Variants in PNPLA6 observed in about 807,000 individuals in gnomAD.
PNPLA6 encodes the protein patatin like domain 6, lysophospholipase.
Under a neutral mutation model 153.7 loss-of-function variants are expected in PNPLA6, and 105 were observed. That is an observed-to-expected ratio of 0.68 (90% CI 0.58 to 0.80). The LOEUF is 0.80. Among genes scored for constraint, PNPLA6 ranks in the 30% least tolerant of loss-of-function variants. The probability of loss-of-function intolerance (pLI) is 0.00; values close to 1 mark genes in which losing one functional copy is unlikely to be tolerated. For synonymous variants in PNPLA6, 825 were observed against 822.2 expected, an observed-to-expected ratio of 1.00 and a Z score of -0.06; for missense variants, 1,423 against 1,919.3, an observed-to-expected ratio of 0.74 and a Z score of 4.83.
Position 7,555,486 on chromosome 19 carries a change from G to C in PNPLA6, c.2936+119G>C. 2 of 1,369,904 alleles carry C rather than the reference G, an allele frequency of 1.5e-6. No individual in the cohort carries two copies. Among genetic ancestry groups the C allele is most frequent in the Non-Finnish European group, 2.0e-6 (2 of 991,678 alleles). 84.9% of individuals were successfully genotyped at this position (1,369,904 alleles called of 1,614,324 possible). Reference sequence around the variant, plus strand: ...AGGGTGGAGCTTCCCCTCCGGGAGAGACCCCGTGGGTAGGGGCGGGTCCTT... The same window carrying C: ...AGGGTGGAGCTTCCCCTCCGGGAGACACCCCGTGGGTAGGGGCGGGTCCTT... On this transcript the variant is annotated intron_variant, in intron 23 of 31. Transcript: ENST00000600737. This position sits in a 1 kb window ranked among gnomAD's most constrained non-coding sequence, Gnocchi z 6.3.
chr19:7,540,441 T>C lies in PNPLA6; in HGVS notation c.714+133T>C, dbSNP rs1308184120. The C allele has an allele frequency of 1.8e-6, 2 of 1,105,358 alleles. No homozygotes were observed. Among genetic ancestry groups the C allele is most frequent in the Non-Finnish European group, 2.6e-6 (2 of 763,618 alleles). 68.5% of individuals were successfully genotyped at this position (1,105,358 alleles called of 1,614,324 possible). A position where few individuals can be genotyped will look rare whatever the true frequency, so the allele number is the denominator to read the frequency against. On this transcript the variant is annotated intron_variant, in intron 5 of 31. Transcript: ENST00000600737. This position sits in a 1 kb window ranked among gnomAD's most constrained non-coding sequence, Gnocchi z 6.8. ...AGGGGAACGGGTGACCGAGGACATT[T>C]GGGGTAGTCTGCGTAGTTGCTCAGT...
chr19:7,547,526 G>A (rs2023433989), intron 13 of PNPLA6, among the ~76,000 whole-genome samples: 1 of 152,100 alleles, frequency 6.6e-6, no homozygotes, highest in Non-Finnish European at 1.5e-5. Flanking sequence ...AGAGACGGGG[G>A]TCTCACTATG....
rs1196628114 is a variant in PNPLA6 at position 7,542,713 on chromosome 19, A to T, written c.1362+43A>T. The T allele has an allele frequency of 1.9e-6, 3 of 1,612,698 alleles. No homozygotes were observed. The East Asian group carries it at 6.7e-5, about 36-fold the overall frequency. On this transcript the variant is annotated intron_variant, in intron 11 of 31. Coordinates refer to ENST00000600737, the MANE Select transcript of PNPLA6 (RefSeq NM_001166114.2). ...GCCCGGTGGTGGAGCCCGCAGGGGA[A>T]GGTGGCTGGGAGGGAGCATCAGGAG...
At chr19:7,558,246 C>A (rs1217407653) in intron 27 of PNPLA6, among the ~76,000 whole-genome samples, 3 of 152,198 alleles carry the variant, frequency 2.0e-5, no homozygotes, top group Non-Finnish European at 4.4e-5. Context: ...GACATGTACG[C>A]CAACTGCACA....
At chr19:7,535,091 G>C, upstream of PNPLA6, 1 of 213,580 alleles carries the variant, frequency 4.7e-6, no homozygotes, top group East Asian at 1.1e-4. This position sits in a 1 kb window ranked among gnomAD's most constrained non-coding sequence, Gnocchi z 5.0. Context: ...GGTGCGGCCT[G>C]GGGGGTGGGG....
chr19:7,543,067 G>A lies in PNPLA6; in HGVS notation c.1591G>A (p.Ala531Thr). The change falls in exon 13 of 32, where the codon GCC (alanine) becomes ACC (threonine). Residue 531 changes from alanine (A) to threonine (T), a missense_variant. Transcript: ENST00000600737. ...LHHAKAGTII[A>T]RQGDQDVSLH... ...CCACGCCAAAGCTGGCACCATCATTGCCCGCCAGGGAGACCAGGTGAGGCT... is the reference window on the plus strand; with the variant it reads ...CCACGCCAAAGCTGGCACCATCATTACCCGCCAGGGAGACCAGGTGAGGCT... 3 of 1,613,872 alleles carry A rather than the reference G, an allele frequency of 1.9e-6. No homozygotes were observed. Among genetic ancestry groups the A allele is most frequent in the Non-Finnish European group, 1.7e-6 (2 of 1,179,988 alleles).
In PNPLA6 at chr19:7,550,232, G is replaced by C. The variant is rs2023583458; in HGVS notation, c.1815-66G>C. On this transcript the variant is annotated intron_variant, in intron 14 of 31. Transcript: ENST00000600737. ...GAGCAGAAGGGAGCCCCCAGATCTG[G>C]CCTCCCAGCGCCGGTGTAGGACGGT... 2.5e-6 allele frequency: 4 copies of C among 1,611,968 alleles called. No homozygotes were observed. In the East Asian group the frequency reaches 6.7e-5, roughly 27 times the overall value.
At position 7,551,158 on chromosome 19, in the gene PNPLA6, G is replaced by A. The variant is rs764200075; in HGVS notation, c.2184+51G>A. On this transcript the variant is annotated intron_variant, in intron 17 of 31. Coordinates refer to ENST00000600737, the MANE Select transcript of PNPLA6 (RefSeq NM_001166114.2). ...AGAGGCGGAGGCGGGACTCCGGGGGGGTGGGGGCCGGGCCTAGTGTGTGGG... is the reference window on the plus strand; with the variant it reads ...AGAGGCGGAGGCGGGACTCCGGGGGAGTGGGGGCCGGGCCTAGTGTGTGGG... 16 of 1,213,678 alleles carry A rather than the reference G, an allele frequency of 1.3e-5. No homozygotes were observed. In the South Asian group the frequency reaches 1.9e-4, roughly 15 times the overall value. The allele number at this position is 1,213,678 out of a possible 1,614,324, so 75.2% of individuals were successfully genotyped here. A position where few individuals can be genotyped will look rare whatever the true frequency, so the allele number is the denominator to read the frequency against.
rs1036799128 is a variant in PNPLA6, at chr19:7,561,763, A to C, written c.*201A>C. The C allele has an allele frequency of 2.0e-5, 14 of 699,576 alleles. No homozygotes were observed. The highest frequency in any genetic ancestry group is 2.3e-4 in the Middle Eastern group (1 of 4,364). 43.3% of individuals were successfully genotyped at this position (699,576 alleles called of 1,614,324 possible). On this transcript the variant is annotated 3_prime_UTR_variant, in exon 32 of 32. Coordinates refer to ENST00000600737, the MANE Select transcript of PNPLA6 (RefSeq NM_001166114.2). ...TCCCCCAATAAACTCGCCTCTTGGAAATGGCTTCCTGTCGTTTTCGGACTG... is the reference window on the plus strand; with the variant it reads ...TCCCCCAATAAACTCGCCTCTTGGACATGGCTTCCTGTCGTTTTCGGACTG...
At chr19:7,550,708 T>C in intron 16 of PNPLA6, 68 bp downstream of exon 16, 2 of 1,578,612 alleles carry the variant, frequency 1.3e-6, no homozygotes, top group Non-Finnish European at 1.7e-6. Context: ...CTCACACACA[T>C]CATCCCGGGT....
chr19:7,550,873 T>A, intron 16 of PNPLA6, 121 bp from the exon 17 acceptor site: 2 of 912,500 alleles, frequency 2.2e-6, no homozygotes, highest in Non-Finnish European at 3.4e-6. Flanking sequence ...GAGCGAGGCT[T>A]GCTTCCCTAC....
chr19:7,552,796 G>A (rs376431817), intron 18 of PNPLA6, among the ~76,000 whole-genome samples: 24 of 151,210 alleles, frequency 1.6e-4, no homozygotes, highest in African/African-American at 4.6e-4. Flanking sequence ...AAAAGAAAAG[G>A]AAAGAAATTA....
chr19:7,542,578 C>G lies in PNPLA6; in HGVS notation c.1270C>G (p.Arg424Gly). The change falls in exon 11 of 32, where the codon CGC (arginine) becomes GGC (glycine). Residue 424 changes from arginine to glycine, a missense_variant. Transcript: ENST00000600737. ...GDISGLQGGP[R>G]SDFDMAYERG... ...GCCTGCAGGCTTGCAGGGTGGCCCC[C>G]GCTCCGACTTCGACATGGCCTATGA... is the stretch of plus-strand genomic sequence containing the variant. The G allele has an allele frequency of 6.2e-7, 1 of 1,613,728 alleles. No individual in the cohort carries two copies. The highest frequency in any genetic ancestry group is 8.5e-7 in the Non-Finnish European group (1 of 1,179,928).
Position 7,560,723 on chromosome 19 carries a change from G to A in PNPLA6, c.3775G>A (p.Asp1259Asn). The change falls in exon 29 of 32, where the codon GAC becomes AAC. Residue 1259 changes from aspartate (D) to asparagine (N), a missense_variant. Asp to Asn is a conservative substitution (Grantham distance 23). Coordinates refer to ENST00000600737, the MANE Select transcript of PNPLA6 (RefSeq NM_001166114.2). ...CAACGTCATTGAGAAAATGCTCACA[G>A]ACCGGCGGTCTACAGACCTTAATGA... ...RGNVIEKMLTDRRSTDLNESR... is the reference protein window; with the variant it reads ...RGNVIEKMLTNRRSTDLNESR... 1.2e-6 allele frequency: 2 copies of A among 1,613,866 alleles called. No homozygotes were observed. Among genetic ancestry groups the A allele is most frequent in the Non-Finnish European group, 1.7e-6 (2 of 1,179,768 alleles).
chr19:7,540,223 G>A lies in PNPLA6; in HGVS notation c.629G>A (p.Gly210Asp), dbSNP rs780995803. The A allele has an allele frequency of 6.2e-7, 1 of 1,609,976 alleles. No individual in the cohort carries two copies. Among genetic ancestry groups the A allele is most frequent in the Non-Finnish European group, 8.5e-7 (1 of 1,179,994 alleles). Residue 210 changes from glycine to aspartate, a missense_variant, in exon 5 of 32, where the codon GGT (glycine) becomes GAT (aspartate). By Grantham distance (94) the Gly-to-Asp change is moderately conservative. This residue lies in a region of PNPLA6 where 118 missense variants were observed against 158.8 expected (regional missense o/e 0.74). Coordinates refer to ENST00000600737, the MANE Select transcript of PNPLA6 (RefSeq NM_001166114.2). This position sits in a 1 kb window ranked among gnomAD's most constrained non-coding sequence, Gnocchi z 6.8. ...RHMVFQRLGQ[G>D]DYVFRPGQPD... Reference sequence around the variant, plus strand: ...ATGGTCTTCCAGCGGCTGGGCCAGGGTGACTACGTCTTCCGGCCGGGCCAG... The same window carrying A: ...ATGGTCTTCCAGCGGCTGGGCCAGGATGACTACGTCTTCCGGCCGGGCCAG...
chr19:7,560,890 C>T (rs2024069902), intron 29 of PNPLA6, 124 bp from the exon 30 acceptor site: 2 of 849,532 alleles, frequency 2.4e-6, no homozygotes, highest in Non-Finnish European at 4.0e-6. Context: ...TCTCAGACCT[C>T]TGCTGACTTC....
chr19:7,539,900 C>A lies in PNPLA6; in HGVS notation c.414-18C>A. 1 of 1,520,784 alleles carries A rather than the reference C, an allele frequency of 6.6e-7. No individual in the cohort carries two copies. Among genetic ancestry groups the A allele is most frequent in the Non-Finnish European group, 8.8e-7 (1 of 1,130,460 alleles). The allele number at this position is 1,520,784 out of a possible 1,614,324, so 94.2% of individuals were successfully genotyped here. On this transcript the variant is annotated intron_variant, in intron 3 of 31. Transcript: ENST00000600737. ...CTCCGTGCCCCCCTCACCCCCGGCA[C>A]CCCTCCCCTCCCACCAGGATCCTGC... is the stretch of plus-strand genomic sequence containing the variant.
intron 13 of PNPLA6, among the ~76,000 whole-genome samples, chr19:7,548,734 TACACAC>T (rs1568414215): frequency 2.1e-3 from 228 of 110,998 alleles, no homozygotes; most frequent in African/African-American, 7.7e-3. Flanking sequence ...CACATATATA[TACACAC>T]ATATATATAT....
Position 7,555,063 on chromosome 19 carries a change from C to T in PNPLA6, c.2805C>T (p.Ser935=). The change falls in exon 22 of 32, where the codon AGC becomes AGT. Residue 935 remains serine (S), a synonymous_variant. Transcript: ENST00000600737. The surrounding 1 kb of genome is among the most constrained non-coding windows in gnomAD (Gnocchi z 6.3). ...RCPRRLFSRR[S]PAKLHELYEK... is the part of the protein sequence containing the mutation. ...CGCGCCGCCTCTTTTCGCGCCGCAG[C>T]CCTGCCAAGCTGGTGAGGAGCGGGC... 2 of 1,593,220 alleles carry T rather than the reference C, an allele frequency of 1.3e-6. No individual in the cohort carries two copies. The highest frequency in any genetic ancestry group is 1.3e-5 in the African/African-American group (1 of 74,942).
Sources: allele counts gnomAD v4.1 joint callset (sites outside exome capture counted in the v4.1 genomes callset), GRCh38; gene constraint gnomAD v4.1.1; regional missense constraint gnomAD v4.1.1; non-coding constraint Gnocchi (gnomAD v3.1); transcripts MANE v1.5; gene names NCBI Gene and HGNC (gene_info 2026-07-23, HGNC 2026-07-21).